DPP10: variants seen among roughly 807,000 people sequenced by gnomAD.
The protein encoded by DPP10 is dipeptidyl peptidase like 10.
DPP10 carries 33 observed loss-of-function variants against 120.9 expected under a neutral mutation model. The ratio of observed to expected loss-of-function variants is 0.27; its 90% CI spans 0.21 to 0.37. DPP10 has a LOEUF of 0.37. Among genes scored for constraint, DPP10 ranks in the 10% least tolerant of loss-of-function variants. The pLI is 1.00. For missense variants in DPP10, 816 were observed against 942.8 expected (o/e 0.87, Z 1.76); for synonymous variants, 337 against 326.1 (o/e 1.03, Z -0.36).
At chr2:115,067,908 GGT>G (rs112066849) in intron 1 of DPP10, among the ~76,000 whole-genome samples, 2 of 143,356 alleles carry the variant, frequency 1.4e-5, no homozygotes, top group African/African-American at 5.4e-5. Flanking sequence ...TTCCTGTGTG[GGT>G]GTGTGGGGGT....
chr2:115,596,278 TCCATTTTATCTTA>T (rs2082981616), intron 5 of DPP10, among the ~76,000 whole-genome samples: 1 of 152,212 alleles, frequency 6.6e-6, no homozygotes, highest in Admixed American at 6.5e-5. Flanking sequence ...TGAAGATGTT[TCCATTTTATCTTA>T]CCAGTAACTT....
In DPP10 at chr2:115,533,477, T is replaced by C. The variant is rs1208746153; in HGVS notation, c.441+7505T>C. 2.6e-5 allele frequency among the ~76,000 whole-genome samples: 4 copies of C among 152,230 alleles called. No individual in the cohort carries two copies. In the East Asian group the frequency reaches 7.7e-4, roughly 29 times the overall value. ...GGTACAGAATTATTTTTCTGGTAAG[T>C]ATCTATTTTAACTAAGAAGTAATCC... is the stretch of plus-strand genomic sequence containing the variant. On this transcript the variant is annotated intron_variant, in intron 5 of 25. Coordinates refer to ENST00000410059, the MANE Select transcript of DPP10 (RefSeq NM_020868.6).
chr2:114,794,129 A>C (rs1392030792), intron 1 of DPP10, among the ~76,000 whole-genome samples: 1 of 152,190 alleles, frequency 6.6e-6, no homozygotes, highest in South Asian at 2.1e-4. Context: ...GGATTTTCCC[A>C]AAAGAGCTAT....
Position 114,477,716 on chromosome 2 carries a change from TATATATAC to T in DPP10, c.60+34888_60+34895del, listed in dbSNP as rs1398223904. Among the ~76,000 whole-genome samples the T allele has an allele frequency of 1.0e-4, 11 of 109,574 alleles. No individual in the cohort carries two copies. In the Admixed American group the frequency reaches 1.3e-3, roughly 13 times the overall value. 71.9% of individuals were successfully genotyped at this position (109,574 alleles called of 152,430 possible). A position where few individuals can be genotyped will look rare whatever the true frequency, so the allele number is the denominator to read the frequency against. Reference sequence around the variant, plus strand: ...AGTAGAGTATGTGTGTGTGTATATATATATATACATATATACACATACATATATGTACA... The same window carrying T: ...AGTAGAGTATGTGTGTGTGTATATATATATATACACATACATATATGTACA... On this transcript the variant is annotated intron_variant, in intron 1 of 25. Coordinates refer to ENST00000410059, the MANE Select transcript of DPP10 (RefSeq NM_020868.6).
chr2:115,150,555 C>A (rs928568020), intron 1 of DPP10, among the ~76,000 whole-genome samples: 3 of 152,164 alleles, frequency 2.0e-5, no homozygotes, highest in Non-Finnish European at 2.9e-5. Flanking sequence ...CTCATTCTCT[C>A]CATTTGGTTG....
intron 1 of DPP10, among the ~76,000 whole-genome samples, chr2:114,790,599 G>A (rs917870340): frequency 5.3e-5 from 8 of 152,072 alleles, no homozygotes; most frequent in Non-Finnish European, 1.0e-4. Context: ...AGGTGGGGCC[G>A]TTTTATAGGA....
intron 1 of DPP10, among the ~76,000 whole-genome samples, chr2:114,736,814 A>G (rs983557162): frequency 6.6e-6 from 1 of 152,226 alleles, no homozygotes; most frequent in Non-Finnish European, 1.5e-5. Flanking sequence ...TGCATGGTAT[A>G]GATGTACTCA....
intron 1 of DPP10, among the ~76,000 whole-genome samples, chr2:114,742,586 C>G (rs1404810499): frequency 6.6e-6 from 1 of 152,142 alleles, no homozygotes; most frequent in African/African-American, 2.4e-5. Context: ...TCAGCATATA[C>G]TAATATGAGC....
intron 1 of DPP10, among the ~76,000 whole-genome samples, chr2:114,572,418 C>T (rs1223319006): frequency 6.6e-6 from 1 of 152,160 alleles, no homozygotes; most frequent in Non-Finnish European, 1.5e-5. Flanking sequence ...AAGATCGTAT[C>T]TATCATTCTA....
intron 5 of DPP10, among the ~76,000 whole-genome samples, chr2:115,538,146 T>TG (rs2078973680): frequency 6.6e-6 from 1 of 151,966 alleles, no homozygotes; most frequent in Admixed American, 6.6e-5. Flanking sequence ...ATTCAAGAGA[T>TG]GAGAATGACT....
At chr2:115,134,147 T>G (rs1405549900) in intron 1 of DPP10, among the ~76,000 whole-genome samples, 1 of 152,200 alleles carries the variant, frequency 6.6e-6, no homozygotes, top group Non-Finnish European at 1.5e-5. Context: ...AAAAAGATCT[T>G]TTATGAGACA....
chr2:114,654,580 C>T (rs1487743188), intron 1 of DPP10, among the ~76,000 whole-genome samples: 2 of 152,044 alleles, frequency 1.3e-5, no homozygotes, highest in African/African-American at 4.8e-5. Flanking sequence ...CTAGTTGTGA[C>T]CTTCAGATAT....
chr2:114,916,023 T>TA (rs1694775111), intron 1 of DPP10, among the ~76,000 whole-genome samples: 1 of 150,144 alleles, frequency 6.7e-6, no homozygotes, highest in African/African-American at 2.5e-5. Flanking sequence ...CATGAATCCA[T>TA]AAAAAAGATA....
In DPP10 at chr2:115,483,980, G is replaced by A. The variant is rs1317043419; in HGVS notation, c.272-15530G>A. The stretch of plus-strand genomic sequence containing the variant: ...CTGGCAAGCTTCCTCAATGGGCATC[G>A]AATATCTTGAGATTTCAGACAAAAT... On this transcript the variant is annotated intron_variant, in intron 3 of 25. Transcript: ENST00000410059. Among the ~76,000 whole-genome samples the A allele has an allele frequency of 3.9e-5, 6 of 152,018 alleles. No individual in the cohort carries two copies. The East Asian group carries it at 7.7e-4, about 20-fold the overall frequency.
chr2:114,968,603 A>T (rs1414695868), intron 1 of DPP10, among the ~76,000 whole-genome samples: 1 of 152,196 alleles, frequency 6.6e-6, no homozygotes, highest in African/African-American at 2.4e-5. Context: ...ATAATTTATT[A>T]TATGTTATAC....
intron 1 of DPP10, among the ~76,000 whole-genome samples, chr2:114,523,782 C>T (rs536539698): frequency 5.6e-4 from 85 of 152,106 alleles, no homozygotes; most frequent in Non-Finnish European, 8.2e-4. Flanking sequence ...TGCTTTATGC[C>T]CTCCAGAAAT....
At chr2:114,443,638 T>G (rs1302122625) in intron 1 of DPP10, among the ~76,000 whole-genome samples, 1 of 151,960 alleles carries the variant, frequency 6.6e-6, no homozygotes. Context: ...ATTGTATTAT[T>G]ATCTATGTGG....
At chr2:115,639,297 G>A (rs1390963360) in intron 5 of DPP10, among the ~76,000 whole-genome samples, 1 of 152,152 alleles carries the variant, frequency 6.6e-6, no homozygotes, top group Non-Finnish European at 1.5e-5. Context: ...GAAATATCAG[G>A]AAAGGGTATT....
intron 1 of DPP10, among the ~76,000 whole-genome samples, chr2:114,765,888 A>C (rs1299508327): frequency 6.6e-6 from 1 of 152,102 alleles, no homozygotes; most frequent in African/African-American, 2.4e-5. Flanking sequence ...ATAAGTAATA[A>C]AAAAATCCTA....
Sources: allele counts gnomAD v4.1 joint callset (sites outside exome capture counted in the v4.1 genomes callset), GRCh38; gene constraint gnomAD v4.1.1; transcripts MANE v1.5; gene names NCBI Gene and HGNC (gene_info 2026-07-23, HGNC 2026-07-21).